The following ERO1A variants were observed in gnomAD, a reference collection of about 807,000 sequenced individuals.
ERO1A encodes endoplasmic reticulum oxidoreductase 1 alpha, also known as ERO1-like protein alpha.
Under a neutral mutation model 76.9 loss-of-function variants are expected in ERO1A, and 49 were observed. The observed-to-expected ratio is 0.64, with a 90% CI of 0.51 to 0.81. ERO1A has a LOEUF of 0.81. Among genes scored for constraint, ERO1A ranks in the 30% least tolerant of loss-of-function variants. The pLI, the probability that ERO1A is intolerant of heterozygous loss-of-function variation, is 0.00. For missense variants in ERO1A, 448 were observed against 542.1 expected (o/e 0.83, Z 1.72); for synonymous variants, 174 against 181.2 (o/e 0.96, Z 0.32).
intron 6 of ERO1A, 92 bp from the exon 7 acceptor site, chr14:52,666,587 C>T: frequency 8.8e-7 from 1 of 1,137,906 alleles, no homozygotes; most frequent in Non-Finnish European, 1.2e-6. Context: ...TTCTAACGCA[C>T]CACAAATATA....
chr14:52,694,477 T>C (rs1411537219), intron 1 of ERO1A, among the ~76,000 whole-genome samples: 1 of 152,208 alleles, frequency 6.6e-6, no homozygotes, highest in Non-Finnish European at 1.5e-5. Flanking sequence ...TAAAATGGTA[T>C]TTCTGATAAT....
intron 13 of ERO1A, among the ~76,000 whole-genome samples, chr14:52,647,754 A>T (rs1316604828): frequency 6.6e-6 from 1 of 152,192 alleles, no homozygotes; most frequent in African/African-American, 2.4e-5. Context: ...AGACTCCTGT[A>T]CTGGACTAAG....
At chr14:52,676,086 T>C (rs1183617353) in intron 4 of ERO1A, among the ~76,000 whole-genome samples, 1 of 152,234 alleles carries the variant, frequency 6.6e-6, no homozygotes, top group Non-Finnish European at 1.5e-5. Context: ...ATATGGCCAG[T>C]GTTATTTTTA....
chr14:52,691,645 G>A (rs999653470), intron 1 of ERO1A, among the ~76,000 whole-genome samples: 2 of 152,066 alleles, frequency 1.3e-5, no homozygotes, highest in Non-Finnish European at 2.9e-5. Context: ...TACTAAATGC[G>A]CTCCAAGCTA....
chr14:52,661,500 A>G (rs952787881), intron 8 of ERO1A, among the ~76,000 whole-genome samples, 196 bp from the exon 9 acceptor site: 12 of 152,220 alleles, frequency 7.9e-5, no homozygotes, highest in African/African-American at 2.9e-4. Context: ...GCCTGATTTG[A>G]CTAAATGGTG....
Position 52,683,892 on chromosome 14 carries a change from C to A in ERO1A, c.130G>T (p.Asp44Tyr), listed in dbSNP as rs2041083716. The change falls in exon 2 of 16, where the codon GAT (aspartate) becomes TAT (tyrosine). Residue 44 changes from aspartate to tyrosine, a missense_variant. By Grantham distance (160) the Asp-to-Tyr change is radical. Around this residue, in one of 2 missense-constraint regions of ERO1A, gnomAD observed 146 missense variants for 130.2 expected, o/e 1.12. Coordinates refer to ENST00000395686, the MANE Select transcript of ERO1A (RefSeq NM_014584.3). ...RCFCQVSGYL[D>Y]DCTCDVETID... ...GTTTCAACATCACAGGTACAATCAT[C>A]CAAGTAACCACTAACCTGTTACAAA... is the stretch of plus-strand genomic sequence containing the variant. The A allele has an allele frequency of 6.3e-7, 1 of 1,585,748 alleles. No homozygotes were observed. The highest frequency in any genetic ancestry group is 8.6e-7 in the Non-Finnish European group (1 of 1,163,782).
At chr14:52,663,122 G>A (rs1219725981) in intron 8 of ERO1A, among the ~76,000 whole-genome samples, 1 of 152,040 alleles carries the variant, frequency 6.6e-6, no homozygotes, top group African/African-American at 2.4e-5. Flanking sequence ...ATGTAAAGTT[G>A]AAATCAGATG....
intron 7 of ERO1A, 73 bp downstream of exon 7, chr14:52,666,302 T>C: frequency 2.8e-6 from 3 of 1,084,838 alleles, no homozygotes; most frequent in Non-Finnish European, 4.0e-6. Context: ...TAATTTTAAA[T>C]CATTATGATT....
chr14:52,661,529 A>C (rs1184148616), intron 8 of ERO1A, among the ~76,000 whole-genome samples: 1 of 152,214 alleles, frequency 6.6e-6, no homozygotes, highest in Non-Finnish European at 1.5e-5. Flanking sequence ...ATGAGTGTAC[A>C]TAAAGAGGTT....
chr14:52,651,161 C>T (rs1456223338), intron 13 of ERO1A, among the ~76,000 whole-genome samples: 4 of 150,972 alleles, frequency 2.6e-5, no homozygotes, highest in African/African-American at 9.7e-5. Context: ...TGCCTGTGGT[C>T]CCAGCTACTC....
At chr14:52,678,640 C>G (rs1253300017) in intron 3 of ERO1A, among the ~76,000 whole-genome samples, 168 bp from the exon 4 acceptor site, 1 of 152,080 alleles carries the variant, frequency 6.6e-6, no homozygotes, top group African/African-American at 2.4e-5. Flanking sequence ...AATAAAAATT[C>G]AAGAACAAAT....
At chr14:52,666,278 G>C in intron 7 of ERO1A, 97 bp downstream of exon 7, 1 of 894,114 alleles carries the variant, frequency 1.1e-6, no homozygotes, top group Non-Finnish European at 1.7e-6. Flanking sequence ...TTTTAACAAA[G>C]TGAATTTGAT....
At chr14:52,646,969 GTTTCTT>G (rs369453949) in intron 13 of ERO1A, 37,122 of 108,534 alleles carry the variant, frequency 0.34, 7,378 homozygotes, top group Non-Finnish European at 0.42. Flanking sequence ...AAATCCTTTG[GTTTCTT>G]TTTTTTTTTT....
chr14:52,681,190 C>A (rs928871362), intron 3 of ERO1A, among the ~76,000 whole-genome samples: 3 of 152,156 alleles, frequency 2.0e-5, no homozygotes, highest in African/African-American at 7.2e-5. Context: ...TTGTGCATAG[C>A]AGCATTATTC....
At chr14:52,672,140 A>T (rs149109114) in intron 4 of ERO1A, 4,100 of 242,638 alleles carry the variant, frequency 0.017, 139 homozygotes, top group African/African-American at 0.07. Flanking sequence ...CCCTGTCTCT[A>T]CTAAAAATAC....
At chr14:52,662,009 T>C (rs2040249397) in intron 8 of ERO1A, among the ~76,000 whole-genome samples, 1 of 152,038 alleles carries the variant, frequency 6.6e-6, no homozygotes, top group Non-Finnish European at 1.5e-5. Flanking sequence ...TTTTAGTTTA[T>C]AGATATATTA....
At chr14:52,652,834 C>CA (rs998007950) in intron 12 of ERO1A, among the ~76,000 whole-genome samples, 31 of 151,844 alleles carry the variant, frequency 2.0e-4, no homozygotes, top group African/African-American at 7.3e-4. Flanking sequence ...CCCATCTCTA[C>CA]AAAAAATACA....
At chr14:52,663,616 T>A (rs1483846667) in intron 8 of ERO1A, among the ~76,000 whole-genome samples, 185 bp downstream of exon 8, 4 of 148,944 alleles carry the variant, frequency 2.7e-5, no homozygotes, top group African/African-American at 5.0e-5. Context: ...AAAAAAAAAA[T>A]ACTTTTTACT....
At chr14:52,673,091 G>T (rs779687496) in intron 4 of ERO1A, among the ~76,000 whole-genome samples, 1 of 151,592 alleles carries the variant, frequency 6.6e-6, no homozygotes, top group African/African-American at 2.4e-5. Flanking sequence ...TTGTTATAAT[G>T]ATTTTTTTTT....
Sources: allele counts gnomAD v4.1 joint callset (sites outside exome capture counted in the v4.1 genomes callset), GRCh38; gene constraint gnomAD v4.1.1; regional missense constraint gnomAD v4.1.1; transcripts MANE v1.5; gene names NCBI Gene and HGNC (gene_info 2026-07-23, HGNC 2026-07-21).